STXBP6: variants seen among roughly 807,000 people sequenced by gnomAD.
STXBP6 encodes the protein syntaxin binding protein 6, also known as syntaxin-binding protein 6.
Under a neutral mutation model 26.9 loss-of-function variants are expected in STXBP6, and 21 were observed. That is an observed-to-expected ratio of 0.78 (90% CI 0.55 to 1.12). The LOEUF is 1.12. Ranked by LOEUF, STXBP6 falls within the 50% of genes most tolerant of loss-of-function variation. The pLI, the probability that STXBP6 is intolerant of heterozygous loss-of-function variation, is 0.00. For synonymous variants in STXBP6, 97 were observed against 92.6 expected, an observed-to-expected ratio of 1.05 and a Z score of -0.27; for missense variants, 232 against 257.9, an observed-to-expected ratio of 0.90 and a Z score of 0.69.
intron 2 of STXBP6, among the ~76,000 whole-genome samples, chr14:24,859,622 C>T (rs1046068878): frequency 1.5e-4 from 23 of 152,136 alleles, no homozygotes; most frequent in African/African-American, 5.3e-4. Context: ...AACAGTGATT[C>T]ACCTTCTCTT....
chr14:25,009,602 C>T (rs907837073), intron 1 of STXBP6, among the ~76,000 whole-genome samples: 9 of 152,156 alleles, frequency 5.9e-5, no homozygotes, highest in African/African-American at 1.2e-4. Context: ...ATCGCCACAA[C>T]GTCACCTACT....
chr14:24,996,271 C>A lies in STXBP6; in HGVS notation c.-32-21421G>T, dbSNP rs116014311. Among the ~76,000 whole-genome samples the A allele has an allele frequency of 6.0e-3, 920 of 152,208 alleles. 12 individuals are homozygous for A. The highest frequency in any genetic ancestry group is 0.021 in the African/African-American group (870 of 41,518). Reference sequence around the variant, plus strand: ...TTTTTTAATGCTTCTTGGCTATTTACTATACTTATTTGTGCTGAGTAGATC... The same window carrying A: ...TTTTTTAATGCTTCTTGGCTATTTAATATACTTATTTGTGCTGAGTAGATC... On this transcript the variant is annotated intron_variant, in intron 1 of 5. Transcript: ENST00000323944.
intron 4 of STXBP6, among the ~76,000 whole-genome samples, chr14:24,836,099 T>C (rs1300010504): frequency 6.6e-6 from 1 of 152,240 alleles, no homozygotes; most frequent in Non-Finnish European, 1.5e-5. Context: ...TAATGAGCAA[T>C]AGCCTTCAGG....
intron 2 of STXBP6, among the ~76,000 whole-genome samples, chr14:24,876,065 CA>C (rs1248335088): frequency 6.6e-6 from 1 of 152,004 alleles, no homozygotes; most frequent in African/African-American, 2.4e-5. Flanking sequence ...TTTATGAAAG[CA>C]GTGTCATTTG....
intron 4 of STXBP6, among the ~76,000 whole-genome samples, chr14:24,849,582 A>G (rs996618371): frequency 1.3e-5 from 2 of 152,042 alleles, no homozygotes; most frequent in Non-Finnish European, 2.9e-5. Context: ...CTCATGAATC[A>G]TTTTCCTCAT....
chr14:24,888,647 C>T (rs576872702), intron 2 of STXBP6, among the ~76,000 whole-genome samples: 17 of 151,118 alleles, frequency 1.1e-4, no homozygotes, highest in South Asian at 2.1e-4. Context: ...TGCTTGAATC[C>T]GGGAGGTGTA....
chr14:24,906,944 A>T (rs56199318), intron 2 of STXBP6, among the ~76,000 whole-genome samples: 11,587 of 152,210 alleles, frequency 0.076, 581 homozygotes, highest in East Asian at 0.13. Flanking sequence ...TATCATTCGT[A>T]TGTGGGAACT....
intron 1 of STXBP6, among the ~76,000 whole-genome samples, chr14:25,011,240 A>G (rs2075021869): frequency 9.0e-6 from 1 of 110,828 alleles, no homozygotes; most frequent in Admixed American, 8.4e-5. Context: ...AGTAATTATG[A>G]CACACCTGAC....
At chr14:24,983,058 A>G (rs1483091844) in intron 1 of STXBP6, among the ~76,000 whole-genome samples, 1 of 152,210 alleles carries the variant, frequency 6.6e-6, no homozygotes, top group Non-Finnish European at 1.5e-5. Context: ...GTTCTACAGT[A>G]TCCATGTACC....
intron 2 of STXBP6, among the ~76,000 whole-genome samples, chr14:24,874,125 A>G (rs1463924671): frequency 6.8e-6 from 1 of 147,266 alleles, no homozygotes; most frequent in Non-Finnish European, 1.5e-5. Context: ...TGGAGGAAGA[A>G]AAAAACCACT....
chr14:24,862,325 G>GTTTCT (rs1294919632), intron 2 of STXBP6, among the ~76,000 whole-genome samples: 1 of 152,092 alleles, frequency 6.6e-6, no homozygotes, highest in Non-Finnish European at 1.5e-5. Context: ...AGGAAGGTCT[G>GTTTCT]TTTCTTTTCT....
At chr14:24,933,036 A>G (rs896948787) in intron 2 of STXBP6, among the ~76,000 whole-genome samples, 2 of 152,184 alleles carry the variant, frequency 1.3e-5, no homozygotes, top group African/African-American at 2.4e-5. Context: ...GGGCATACAG[A>G]TAATATTTGA....
chr14:24,823,281 A>C (rs1010201026), intron 4 of STXBP6, among the ~76,000 whole-genome samples: 1 of 152,212 alleles, frequency 6.6e-6, no homozygotes, highest in Non-Finnish European at 1.5e-5. Context: ...CACTGAGAAC[A>C]CAATGAAAAT....
intron 5 of STXBP6, among the ~76,000 whole-genome samples, chr14:24,813,142 T>C (rs117211603): frequency 1.4e-4 from 22 of 152,286 alleles, no homozygotes; most frequent in Non-Finnish European, 2.9e-4. Context: ...CATGAAGTAT[T>C]AAAAATCAAC....
At chr14:24,993,720 A>C (rs1275550616) in intron 1 of STXBP6, among the ~76,000 whole-genome samples, 4 of 152,188 alleles carry the variant, frequency 2.6e-5, no homozygotes, top group Non-Finnish European at 5.9e-5. Context: ...TGGAGAGAAG[A>C]AACTCTCTTC....
intron 1 of STXBP6, among the ~76,000 whole-genome samples, chr14:25,016,576 C>G (rs745972200): frequency 6.6e-6 from 1 of 152,046 alleles, no homozygotes; most frequent in Non-Finnish European, 1.5e-5. Flanking sequence ...CCAAAAAGAT[C>G]GTAAGAAATT....
chr14:24,982,442 C>A (rs557353760), intron 1 of STXBP6, among the ~76,000 whole-genome samples: 1 of 152,198 alleles, frequency 6.6e-6, no homozygotes, highest in African/African-American at 2.4e-5. Context: ...ACCAGCTACG[C>A]GTTAGCCTGC....
At chr14:24,986,388 C>G (rs1195922263) in intron 1 of STXBP6, among the ~76,000 whole-genome samples, 1 of 152,174 alleles carries the variant, frequency 6.6e-6, no homozygotes, top group South Asian at 2.1e-4. Flanking sequence ...TCCAACTGAG[C>G]CCCTTCTACA....
chr14:24,813,331 G>C (rs2067877715), intron 5 of STXBP6, among the ~76,000 whole-genome samples: 1 of 152,092 alleles, frequency 6.6e-6, no homozygotes, highest in Non-Finnish European at 1.5e-5. Flanking sequence ...TGAAATATTA[G>C]GTCTTTTAAA....
Sources: allele counts gnomAD v4.1 joint callset (sites outside exome capture counted in the v4.1 genomes callset), GRCh38; gene constraint gnomAD v4.1.1; transcripts MANE v1.5; gene names NCBI Gene and HGNC (gene_info 2026-07-23, HGNC 2026-07-21).